Variants in MLLT10 observed in about 807,000 individuals in gnomAD.
MLLT10 encodes the protein MLLT10 histone lysine methyltransferase DOT1L cofactor, also known as protein AF-10.
MLLT10 carries 30 observed loss-of-function variants against 129.1 expected under a neutral mutation model. That is an observed-to-expected ratio of 0.23 (90% CI 0.17 to 0.32). MLLT10 has a LOEUF of 0.32. Ranked by LOEUF, MLLT10 falls within the 10% of genes least tolerant of loss-of-function variation. The pLI, the probability that MLLT10 is intolerant of heterozygous loss-of-function variation, is 1.00. For missense variants in MLLT10, 1,119 were observed against 1,268.3 expected, an observed-to-expected ratio of 0.88 and a Z score of 1.79; for synonymous variants, 490 against 446.4, an observed-to-expected ratio of 1.10 and a Z score of -1.23.
At chr10:21,688,607 C>G in intron 13 of MLLT10, 2 of 1,362,018 alleles carry the variant, frequency 1.5e-6, no homozygotes, top group Non-Finnish European at 2.1e-6. Flanking sequence ...AGCTTGGAAA[C>G]CTTCCCATAC....
rs573902630 is a variant in MLLT10, at chr10:21,650,434, C to A, written c.700-1239C>A. Among the ~76,000 whole-genome samples, 23 of 152,194 alleles carry A rather than the reference C, an allele frequency of 1.5e-4. No individual in the cohort carries two copies. In the South Asian group the frequency reaches 4.4e-3, roughly 29 times the overall value. On this transcript the variant is annotated intron_variant, in intron 8 of 22. Transcript: ENST00000307729. ...GACAGTGCAGCCTGAAAATATCTTA[C>A]GTACTTAGATCAGGAATTAAAAGCA...
At chr10:21,689,610 TA>T (rs1228111919) in intron 13 of MLLT10, among the ~76,000 whole-genome samples, 1 of 141,580 alleles carries the variant, frequency 7.1e-6, no homozygotes, top group Non-Finnish European at 1.5e-5. Flanking sequence ...TTTATATATA[TA>T]TATATATACA....
At chr10:21,593,529 C>T (rs2042708128) in intron 4 of MLLT10, among the ~76,000 whole-genome samples, 1 of 152,056 alleles carries the variant, frequency 6.6e-6, no homozygotes, top group African/African-American at 2.4e-5. Context: ...CTGATAACTC[C>T]AAAATGGTGA....
chr10:21,560,512 C>T (rs1475028300), intron 3 of MLLT10, among the ~76,000 whole-genome samples: 1 of 152,172 alleles, frequency 6.6e-6, no homozygotes, highest in African/African-American at 2.4e-5. Flanking sequence ...ACATGGCTCA[C>T]TGGAGCGTCA....
intron 5 of MLLT10, among the ~76,000 whole-genome samples, chr10:21,603,550 T>C (rs2043765167): frequency 6.6e-6 from 1 of 152,214 alleles, no homozygotes; most frequent in Non-Finnish European, 1.5e-5. Context: ...AGCAATAATA[T>C]AACAAACAAC....
intron 5 of MLLT10, among the ~76,000 whole-genome samples, chr10:21,601,786 G>A (rs184647961): frequency 4.6e-5 from 7 of 152,092 alleles, no homozygotes; most frequent in Admixed American, 2.6e-4. Context: ...GTTATTCTTC[G>A]ACCTCAGCCT....
intron 5 of MLLT10, among the ~76,000 whole-genome samples, chr10:21,597,529 C>G (rs2043135872): frequency 1.3e-5 from 2 of 152,132 alleles, no homozygotes; most frequent in Admixed American, 1.3e-4. Context: ...ACCACCACAT[C>G]CAGCTAATTT....
At chr10:21,545,774 C>T (rs2035970020) in intron 3 of MLLT10, among the ~76,000 whole-genome samples, 2 of 152,026 alleles carry the variant, frequency 1.3e-5, no homozygotes, top group African/African-American at 4.8e-5. Flanking sequence ...TCAAGGAATC[C>T]TCTCACTTCA....
chr10:21,600,768 C>G (rs1477560554), intron 5 of MLLT10, among the ~76,000 whole-genome samples: 2 of 152,070 alleles, frequency 1.3e-5, no homozygotes, highest in African/African-American at 4.8e-5. Flanking sequence ...TCAGCTGATT[C>G]TCATTTTGAA....
intron 8 of MLLT10, among the ~76,000 whole-genome samples, chr10:21,629,230 C>T (rs935677006): frequency 2.6e-5 from 4 of 151,804 alleles, no homozygotes; most frequent in Non-Finnish European, 5.9e-5. Context: ...AGCCTGGCCT[C>T]GGAAGTCACA....
Position 21,589,160 on chromosome 10 carries a change from T to C in MLLT10, c.295+2812T>C, listed in dbSNP as rs115002773. 3.8e-3 allele frequency among the ~76,000 whole-genome samples: 578 copies of C among 152,244 alleles called. 5 individuals carry two copies. The highest frequency in any genetic ancestry group is 0.013 in the African/African-American group (544 of 41,550). On this transcript the variant is annotated intron_variant, in intron 4 of 22. Transcript: ENST00000307729. ...ATTATTATGCTGTTTTGATATGAGT[T>C]GGACTAATTTTTGCCCATCTGGTCA...
intron 3 of MLLT10, among the ~76,000 whole-genome samples, chr10:21,559,670 C>G (rs1341774908): frequency 6.6e-6 from 1 of 152,096 alleles, no homozygotes; most frequent in Non-Finnish European, 1.5e-5. Context: ...TTCAAGTTGC[C>G]TAGTTTAGCT....
At chr10:21,702,435 A>G (rs1352281810) in intron 13 of MLLT10, among the ~76,000 whole-genome samples, 2 of 152,196 alleles carry the variant, frequency 1.3e-5, no homozygotes, top group East Asian at 3.9e-4. Context: ...AATGTCTGTT[A>G]GGTCCATTTG....
chr10:21,741,200 C>A (rs2058804191), intron 22 of MLLT10, among the ~76,000 whole-genome samples: 1 of 152,214 alleles, frequency 6.6e-6, no homozygotes, highest in Non-Finnish European at 1.5e-5. Flanking sequence ...TCACACACCG[C>A]ATTACCTCTC....
chr10:21,625,575 AC>A, intron 8 of MLLT10: 3 of 763,688 alleles, frequency 3.9e-6, no homozygotes, highest in Non-Finnish European at 7.3e-6. Context: ...AGGAAGCAGA[AC>A]CCCCATTTCT....
intron 13 of MLLT10, among the ~76,000 whole-genome samples, chr10:21,689,592 G>A (rs544699717): frequency 0.015 from 1,748 of 118,202 alleles, 41 homozygotes; most frequent in African/African-American, 0.051. Context: ...TATATATAGC[G>A]TGTGTGTTTT....
intron 5 of MLLT10, among the ~76,000 whole-genome samples, chr10:21,600,257 A>G (rs538113240): frequency 1.7e-3 from 260 of 152,232 alleles, no homozygotes; most frequent in Non-Finnish European, 2.4e-3. Context: ...TTATTTTTCT[A>G]GATGAACATT....
At chr10:21,648,641 A>G (rs1224603232) in intron 8 of MLLT10, among the ~76,000 whole-genome samples, 4 of 152,196 alleles carry the variant, frequency 2.6e-5, no homozygotes, top group Admixed American at 6.5e-5. Context: ...GATCATTTCA[A>G]CTTCATAGAC....
chr10:21,674,881 T>C (rs2051913028), intron 11 of MLLT10, among the ~76,000 whole-genome samples: 1 of 152,178 alleles, frequency 6.6e-6, no homozygotes, highest in East Asian at 1.9e-4. Flanking sequence ...AATGATACAA[T>C]TTAATGAAGA....
Sources: gnomAD v4.1 joint callset for allele counts (sites outside exome capture counted in the v4.1 genomes callset) on GRCh38, gnomAD v4.1.1 for gene constraint, MANE v1.5 for transcripts, NCBI Gene and HGNC (gene_info 2026-07-23, HGNC 2026-07-21) for gene names.